The following NFASC variants were observed in gnomAD, a reference collection of about 807,000 sequenced individuals.
The protein encoded by NFASC is neurofascin homolog.
In NFASC, 43 loss-of-function variants were observed where a neutral mutation model predicts 147.5. That is an observed-to-expected ratio of 0.29 (90% CI 0.23 to 0.38). The LOEUF (loss-of-function observed/expected upper bound fraction) is 0.38. Ranked by LOEUF, NFASC falls within the 10% of genes least tolerant of loss-of-function variation. The pLI is 1.00. For synonymous variants in NFASC, 622 were observed against 665.5 expected (o/e 0.93, Z 1.01); for missense variants, 1,320 against 1,689.0 (o/e 0.78, Z 3.83).
chr1:204,879,680 GC>G (rs1264179716), intron 1 of NFASC, among the ~76,000 whole-genome samples: 8 of 152,202 alleles, frequency 5.3e-5, no homozygotes, highest in Non-Finnish European at 1.5e-5. Flanking sequence ...TGAAAACAGG[GC>G]AGTTCTTTTG....
At chr1:204,857,292 T>A (rs1429973898) in intron 1 of NFASC, among the ~76,000 whole-genome samples, 1 of 152,214 alleles carries the variant, frequency 6.6e-6, no homozygotes, top group African/African-American at 2.4e-5. Context: ...CCACCCAGCT[T>A]GGGCCAGGAG....
intron 24 of NFASC, among the ~76,000 whole-genome samples, chr1:204,996,224 A>T (rs2095843294): frequency 6.6e-6 from 1 of 152,146 alleles, no homozygotes; most frequent in African/African-American, 2.4e-5. Context: ...GTGTCATGAG[A>T]GGGTTAGCCC....
intron 27 of NFASC, among the ~76,000 whole-genome samples, chr1:205,005,680 A>C (rs975762499): frequency 6.6e-6 from 1 of 152,214 alleles, no homozygotes; most frequent in Non-Finnish European, 1.5e-5. Flanking sequence ...TCCCATTATA[A>C]GTGTGATCAT....
intron 5 of NFASC, among the ~76,000 whole-genome samples, chr1:204,953,902 A>G (rs2094286162): frequency 6.6e-6 from 1 of 152,214 alleles, no homozygotes; most frequent in South Asian, 2.1e-4. Flanking sequence ...CTACTTCAGT[A>G]TCTAACACTT....
At chr1:204,999,652 T>C (rs2095929134) in intron 25 of NFASC, 1 of 150,376 alleles carries the variant, frequency 6.6e-6, no homozygotes, top group Admixed American at 6.6e-5. Context: ...TGGAATCACT[T>C]TCTTGGTCCC....
intron 1 of NFASC, among the ~76,000 whole-genome samples, chr1:204,897,600 G>T (rs1489165911): frequency 2.0e-5 from 3 of 150,094 alleles, no homozygotes; most frequent in Admixed American, 6.6e-5. Flanking sequence ...TTTAGATAGG[G>T]TCTCACTCTG....
chr1:204,987,563 T>C lies in NFASC; in HGVS notation c.2593+23T>C, dbSNP rs758013177. The stretch of plus-strand genomic sequence containing the variant: ...CCTGTACGTTCTGCCCTTCCCTTTC[T>C]CTTAGATAATCTGGGAACCAGAAAC... On this transcript the variant is annotated intron_variant, in intron 22 of 29. Transcript: ENST00000339876. This position sits in a 1 kb window ranked among gnomAD's most constrained non-coding sequence, Gnocchi z 4.4. The C allele has an allele frequency of 2.7e-5, 44 of 1,613,134 alleles. No homozygotes were observed. Among genetic ancestry groups the C allele is most frequent in the Non-Finnish European group, 3.6e-5 (42 of 1,179,430 alleles).
At chr1:204,844,560 T>C (rs889007614) in intron 1 of NFASC, among the ~76,000 whole-genome samples, 1 of 152,168 alleles carries the variant, frequency 6.6e-6, no homozygotes, top group Non-Finnish European at 1.5e-5. Flanking sequence ...CATCCATGCA[T>C]GGTAAAGATA....
rs56346523 is a variant in NFASC at position 205,011,887 on chromosome 1, T to C, written c.3422-910T>C. On this transcript the variant is annotated intron_variant, in intron 28 of 29. Coordinates refer to ENST00000339876, the MANE Select transcript of NFASC (RefSeq NM_001005388.3). ...TGAGGTCGGGAGTTCAAGACCAGCCTGGCCAACATGGTAAAACCTCGTCTC... is the reference window on the plus strand; with the variant it reads ...TGAGGTCGGGAGTTCAAGACCAGCCCGGCCAACATGGTAAAACCTCGTCTC... Among the ~76,000 whole-genome samples, 324 of 151,806 alleles carry C rather than the reference T, an allele frequency of 2.1e-3. 1 individual carries two copies. Among genetic ancestry groups the C allele is most frequent in the African/African-American group, 7.4e-3 (307 of 41,346 alleles).
At chr1:204,843,599 CCTTCCTTCCTTCCTTCCTTCCTT>C (rs2102538155) in intron 1 of NFASC, among the ~76,000 whole-genome samples, 1 of 92,406 alleles carries the variant, frequency 1.1e-5, no homozygotes, top group African/African-American at 5.4e-5. Flanking sequence ...TTCCTTCCTT[CCTTCCTTCCTTCCTTCCTTCCTT>C]CCTTCCTCCC....
rs78769558 is a variant in NFASC, at chr1:204,929,919, G to A, written c.-91+9179G>A. ...CTGTGAGCTGGAAGGAATGGAACAC[G>A]GCTGGGTCACCATCTGTTGCATCGT... On this transcript the variant is annotated intron_variant, in intron 2 of 29. Transcript: ENST00000339876. Among the ~76,000 whole-genome samples, 1,457 of 152,300 alleles carry A rather than the reference G, an allele frequency of 9.6e-3. 25 individuals are homozygous for A. The highest frequency in any genetic ancestry group is 0.033 in the African/African-American group (1,376 of 41,542).
intron 23 of NFASC, among the ~76,000 whole-genome samples, chr1:204,990,933 C>T (rs918404721): frequency 2.0e-5 from 3 of 152,240 alleles, no homozygotes; most frequent in Non-Finnish European, 2.9e-5. Flanking sequence ...CAGAGCAGGA[C>T]ATGCTGTTGA....
chr1:204,945,964 G>A (rs115897779), intron 3 of NFASC, among the ~76,000 whole-genome samples: 2,587 of 152,260 alleles, frequency 0.017, 73 homozygotes, highest in African/African-American at 0.058. Context: ...GTCCCTGCAA[G>A]GTGAGCCTAT....
At chr1:204,945,690 C>T (rs74138667) in intron 3 of NFASC, among the ~76,000 whole-genome samples, 1,724 of 152,056 alleles carry the variant, frequency 0.011, 21 homozygotes, top group Middle Eastern at 0.068. Context: ...TGCATGTGCA[C>T]AGGGAGGGAG....
At chr1:204,939,040 GTGTGTGTGTGT>G (rs1339611121) in intron 2 of NFASC, among the ~76,000 whole-genome samples, 94 of 115,704 alleles carry the variant, frequency 8.1e-4, no homozygotes, top group Admixed American at 1.2e-3. Flanking sequence ...ATGGATGGAT[GTGTGTGTGTGT>G]GTGTGTGTGT....
At chr1:204,892,588 C>G (rs2082621407) in intron 1 of NFASC, among the ~76,000 whole-genome samples, 2 of 152,190 alleles carry the variant, frequency 1.3e-5, no homozygotes, top group African/African-American at 4.8e-5. Context: ...CTATTGAGCA[C>G]TTGAAATGTG....
At chr1:204,892,885 G>C (rs2082668887) in intron 1 of NFASC, among the ~76,000 whole-genome samples, 1 of 152,178 alleles carries the variant, frequency 6.6e-6, no homozygotes, top group Non-Finnish European at 1.5e-5. Context: ...CCTGGCATTT[G>C]ACCCAGATAT....
intron 1 of NFASC, among the ~76,000 whole-genome samples, 159 bp downstream of exon 1, chr1:204,828,941 G>A (rs1571762121): frequency 9.8e-6 from 1 of 102,126 alleles, no homozygotes; most frequent in East Asian, 2.5e-4. Context: ...ACTGTCACCT[G>A]CCCCGAATCC....
At position 204,877,066 on chromosome 1, in the gene NFASC, AT is replaced by A. The variant is rs1302215677; in HGVS notation, c.-199-43563del. ...ATATATATAATATATTTATTTATATATTTATATATATATAATATATTTATTT... is the reference window on the plus strand; with the variant it reads ...ATATATATAATATATTTATTTATATATTATATATATATAATATATTTATTT... On this transcript the variant is annotated intron_variant, in intron 1 of 29. Coordinates refer to ENST00000339876, the MANE Select transcript of NFASC (RefSeq NM_001005388.3). 3.9e-4 allele frequency among the ~76,000 whole-genome samples: 43 copies of A among 110,074 alleles called. 4 individuals carry two copies. Among genetic ancestry groups the A allele is most frequent in the East Asian group, 9.7e-4 (2 of 2,066 alleles). 72.2% of individuals were successfully genotyped at this position (110,074 alleles called of 152,430 possible).
Sources: allele counts gnomAD v4.1 joint callset (sites outside exome capture counted in the v4.1 genomes callset), GRCh38; gene constraint gnomAD v4.1.1; non-coding constraint Gnocchi (gnomAD v3.1); transcripts MANE v1.5; gene names NCBI Gene and HGNC (gene_info 2026-07-23, HGNC 2026-07-21).